The following FMN1 variants were observed in gnomAD, a reference collection of about 807,000 sequenced individuals.
The protein encoded by FMN1 is formin-1.
Under a neutral mutation model 132.4 loss-of-function variants are expected in FMN1, and 110 were observed. The observed-to-expected ratio is 0.83, with a 90% CI of 0.71 to 0.97. The LOEUF (loss-of-function observed/expected upper bound fraction) is 0.97, where lower values mean the gene tolerates loss of function less well. Ranked by LOEUF, FMN1 falls within the 50% of genes least tolerant of loss-of-function variation. The pLI is 0.00. For synonymous variants in FMN1, 722 were observed against 651.7 expected, an observed-to-expected ratio of 1.11 and a Z score of -1.64; for missense variants, 1,792 against 1,705.3, an observed-to-expected ratio of 1.05 and a Z score of -0.90.
At chr15:32,851,382 T>C (rs1596083643) in intron 17 of FMN1, among the ~76,000 whole-genome samples, 1 of 152,212 alleles carries the variant, frequency 6.6e-6, no homozygotes, top group African/African-American at 2.4e-5. Context: ...TGCCTTCTTT[T>C]AATTATAGGA....
At chr15:33,065,498 C>T (rs549170651) in intron 5 of FMN1, among the ~76,000 whole-genome samples, 11 of 152,146 alleles carry the variant, frequency 7.2e-5, no homozygotes, top group Non-Finnish European at 1.6e-4. Flanking sequence ...CAGTGGTAGA[C>T]CAAGACACCC....
chr15:33,075,064 C>T (rs1044358941), intron 5 of FMN1, among the ~76,000 whole-genome samples: 7 of 144,704 alleles, frequency 4.8e-5, no homozygotes, highest in Middle Eastern at 3.8e-3. Flanking sequence ...ACCTTGAGTC[C>T]TGGGCTCACA....
intron 4 of FMN1, chr15:33,150,961 G>C: frequency 2.8e-6 from 3 of 1,061,938 alleles, no homozygotes; most frequent in Non-Finnish European, 3.4e-6. Flanking sequence ...TCTGGGTTTA[G>C]GTGGGAAGAG....
intron 19 of FMN1, among the ~76,000 whole-genome samples, chr15:32,790,274 T>C (rs1026317207): frequency 9.9e-5 from 15 of 152,148 alleles, no homozygotes; most frequent in Non-Finnish European, 1.2e-4. Context: ...GCCCAGCTCA[T>C]TTTCTACTTA....
intron 3 of FMN1, among the ~76,000 whole-genome samples, chr15:33,179,318 G>T (rs1055357876): frequency 1.3e-5 from 2 of 152,024 alleles, no homozygotes; most frequent in Admixed American, 6.6e-5. Context: ...GGAAAAAAAT[G>T]GATCTATGAA....
chr15:33,119,230 C>T (rs761280046), intron 4 of FMN1, among the ~76,000 whole-genome samples: 16 of 152,160 alleles, frequency 1.1e-4, no homozygotes, highest in Admixed American at 4.6e-4. Context: ...AGAGAACAGG[C>T]TTCTGTTTTC....
At chr15:33,182,828 CTG>C (rs1965749419) in intron 2 of FMN1, among the ~76,000 whole-genome samples, 2 of 152,208 alleles carry the variant, frequency 1.3e-5, no homozygotes, top group Admixed American at 6.5e-5. Flanking sequence ...CTAAAGCACT[CTG>C]TAAAAATAGC....
chr15:32,982,238 G>C (rs1400204752), intron 7 of FMN1, among the ~76,000 whole-genome samples: 2 of 152,146 alleles, frequency 1.3e-5, no homozygotes, highest in African/African-American at 2.4e-5. Flanking sequence ...GGAGGAGTGA[G>C]AGAAGAAAAC....
intron 5 of FMN1, among the ~76,000 whole-genome samples, chr15:33,072,675 C>T (rs1161270421): frequency 1.3e-5 from 2 of 152,184 alleles, no homozygotes; most frequent in African/African-American, 4.8e-5. Context: ...GTAATCCCAG[C>T]ACTTTGGGAA....
intron 9 of FMN1, among the ~76,000 whole-genome samples, chr15:32,951,424 GAC>G (rs3081377): frequency 0.62 from 91,740 of 148,864 alleles, 31,412 homozygotes; most frequent in Non-Finnish European, 0.77. Flanking sequence ...GCCCCAGTGG[GAC>G]ACACACACAC....
intron 2 of FMN1, among the ~76,000 whole-genome samples, chr15:33,181,625 A>G (rs1965703294): frequency 6.6e-6 from 1 of 152,084 alleles, no homozygotes; most frequent in Non-Finnish European, 1.5e-5. Flanking sequence ...ATTTTATTCT[A>G]AGTTCAATGG....
intron 9 of FMN1, among the ~76,000 whole-genome samples, chr15:32,958,549 T>TATACATAC (rs34715846): frequency 3.0e-3 from 445 of 150,654 alleles, no homozygotes; most frequent in African/African-American, 5.1e-3. Flanking sequence ...TTTGAGAAGA[T>TATACATAC]ATACATACAT....
At chr15:33,122,629 G>T (rs950842018) in intron 4 of FMN1, among the ~76,000 whole-genome samples, 2 of 152,164 alleles carry the variant, frequency 1.3e-5, no homozygotes. Context: ...ATGGCCACTA[G>T]TGACAGGTAC....
chr15:33,023,732 A>T (rs2035530995), intron 6 of FMN1, among the ~76,000 whole-genome samples: 1 of 152,220 alleles, frequency 6.6e-6, no homozygotes, highest in Non-Finnish European at 1.5e-5. Flanking sequence ...ATAGAAAAAA[A>T]TACCAAAAAA....
chr15:33,086,110 G>T (rs901231538), intron 5 of FMN1, among the ~76,000 whole-genome samples: 4 of 152,040 alleles, frequency 2.6e-5, no homozygotes, highest in African/African-American at 9.7e-5. Context: ...AATTAGCTGG[G>T]CGTGGTGGCA....
intron 9 of FMN1, among the ~76,000 whole-genome samples, chr15:32,943,876 C>T (rs1199671499): frequency 6.6e-6 from 1 of 152,084 alleles, no homozygotes; most frequent in Non-Finnish European, 1.5e-5. Flanking sequence ...GAGAGTTTCG[C>T]AATGGAAAGA....
intron 6 of FMN1, among the ~76,000 whole-genome samples, chr15:33,027,729 CAAT>C (rs1347262356): frequency 6.6e-6 from 1 of 151,918 alleles, no homozygotes. Context: ...ACGGGATAAA[CAAT>C]AAAAGAACAA....
chr15:32,992,958 T>C, intron 7 of FMN1, among the ~76,000 whole-genome samples: 1 of 152,210 alleles, frequency 6.6e-6, no homozygotes, highest in African/African-American at 2.4e-5. Flanking sequence ...GCCTGAAAGA[T>C]GAAACATTTC....
intron 7 of FMN1, among the ~76,000 whole-genome samples, chr15:33,004,147 G>A (rs1422601626): frequency 6.6e-6 from 1 of 152,164 alleles, no homozygotes; most frequent in African/African-American, 2.4e-5. Flanking sequence ...AGGACTTCAT[G>A]TCTAAAACAC....
Sources: allele counts gnomAD v4.1 joint callset (sites outside exome capture counted in the v4.1 genomes callset), GRCh38; gene constraint gnomAD v4.1.1; transcripts MANE v1.5; gene names NCBI Gene and HGNC (gene_info 2026-07-23, HGNC 2026-07-21).